The following CLPB variants were observed in gnomAD, a reference collection of about 807,000 sequenced individuals.
CLPB encodes ClpB family mitochondrial disaggregase.
Under a neutral mutation model 78.4 loss-of-function variants are expected in CLPB, and 40 were observed. The observed-to-expected ratio is 0.51, with a 90% confidence interval of 0.40 to 0.66. CLPB has a LOEUF of 0.66. Among genes scored for constraint, CLPB ranks in the 30% least tolerant of loss-of-function variants. The probability of loss-of-function intolerance (pLI) is 0.00; values close to 1 mark genes in which losing one functional copy is unlikely to be tolerated. For synonymous variants in CLPB, 333 were observed against 348.0 expected, an observed-to-expected ratio of 0.96 and a Z score of 0.48; for missense variants, 780 against 886.9, an observed-to-expected ratio of 0.88 and a Z score of 1.53.
intron 14 of CLPB, 46 bp downstream of exon 14, chr11:72,294,279 C>T: frequency 6.2e-7 from 1 of 1,614,016 alleles, no homozygotes; most frequent in Non-Finnish European, 8.5e-7. Context: ...TCCAGATTTC[C>T]AGTGGCTGGC....
At chr11:72,408,249 C>T in intron 2 of CLPB, 1 of 1,340,950 alleles carries the variant, frequency 7.5e-7, no homozygotes, top group South Asian at 1.3e-5. Context: ...AGTCCAAAGG[C>T]TGGAGTTCAG....
chr11:72,372,438 T>TG, intron 4 of CLPB, among the ~76,000 whole-genome samples: 1 of 152,368 alleles, frequency 6.6e-6, no homozygotes, highest in Admixed American at 6.5e-5. Flanking sequence ...TTAAGTGTTC[T>TG]GCACACATAT....
rs1393780715 is a variant in CLPB at position 72,380,328 on chromosome 11, C to T, written c.599G>A (p.Ser200Asn). The T allele has an allele frequency of 6.8e-6, 11 of 1,614,040 alleles. No individual in the cohort carries two copies. Among genetic ancestry groups the T allele is most frequent in the Non-Finnish European group, 8.5e-6 (10 of 1,180,004 alleles). ...TTCCTTGGCAGTCTTGTAAACACTG[C>T]TGAAATCATCTCCAAGGTTTGGATC... ...GADPNLGDDF[S>N]SVYKTAKEQG... Residue 200 changes from serine to asparagine, a missense_variant, in exon 4 of 16, where the codon AGC (serine) becomes AAC (asparagine). By Grantham distance (46) the Ser-to-Asn change is conservative. This residue lies in a region of CLPB where 417 missense variants were observed against 414.7 expected (regional missense o/e 1.01). Transcript: ENST00000538039.
intron 5 of CLPB, among the ~76,000 whole-genome samples, chr11:72,344,796 A>G (rs1950482071): frequency 6.6e-6 from 1 of 152,232 alleles, no homozygotes; most frequent in Non-Finnish European, 1.5e-5. Flanking sequence ...TAAAGGGCTA[A>G]TATTCTTAAC....
intron 6 of CLPB, among the ~76,000 whole-genome samples, chr11:72,322,394 G>A (rs1425461106): frequency 2.6e-5 from 4 of 152,200 alleles, no homozygotes; most frequent in South Asian, 2.1e-4. Context: ...GTTTGTGCTC[G>A]TCTCAGGTGG....
chr11:72,308,516 C>T lies in CLPB; in HGVS notation c.1066+11G>A, dbSNP rs1949784816. Reference sequence around the variant, plus strand: ...CTCTCTGTCCCCACTGGCTGATCTGCTCCCAATTACCTATTCCAGATGATC... The same window carrying T: ...CTCTCTGTCCCCACTGGCTGATCTGTTCCCAATTACCTATTCCAGATGATC... On this transcript the variant is annotated intron_variant, in intron 8 of 15. Coordinates refer to ENST00000538039, the MANE Select transcript of CLPB (RefSeq NM_001258392.3). 1.2e-6 allele frequency: 2 copies of T among 1,613,248 alleles called. No individual in the cohort carries two copies. The highest frequency in any genetic ancestry group is 2.2e-5 in the East Asian group (1 of 44,862).
rs1432909109 is a variant in CLPB, at chr11:72,287,701, G to A, written c.*5666C>T. Reference sequence around the variant, plus strand: ...GGATAAAATTTTAACCACCTTTCCAGTTTCTTCTTGGGTAACCAACTGGCC... The same window carrying A: ...GGATAAAATTTTAACCACCTTTCCAATTTCTTCTTGGGTAACCAACTGGCC... On this transcript the variant is annotated 3_prime_UTR_variant, in exon 16 of 16. Transcript: ENST00000538039. 6.6e-6 allele frequency: 1 copy of A among 152,138 alleles called. No individual in the cohort carries two copies. Among genetic ancestry groups the A allele is most frequent in the Non-Finnish European group, 1.5e-5 (1 of 68,036 alleles). 9.4% of individuals were successfully genotyped at this position (152,138 alleles called of 1,614,324 possible).
chr11:72,306,292 A>T (rs1160406273), intron 9 of CLPB, among the ~76,000 whole-genome samples: 2 of 152,200 alleles, frequency 1.3e-5, no homozygotes, highest in Admixed American at 1.3e-4. Flanking sequence ...GAAAGAGAAC[A>T]GGAGTCCAAG....
At chr11:72,366,373 C>A (rs1024835167) in intron 4 of CLPB, among the ~76,000 whole-genome samples, 1 of 152,054 alleles carries the variant, frequency 6.6e-6, no homozygotes, top group Non-Finnish European at 1.5e-5. Context: ...CACCACCACA[C>A]CCGGCTAATT....
chr11:72,370,451 G>C (rs960400494), intron 4 of CLPB, among the ~76,000 whole-genome samples: 6 of 152,208 alleles, frequency 3.9e-5, no homozygotes, highest in Non-Finnish European at 8.8e-5. Flanking sequence ...GCACTATGGA[G>C]AAATGACATG....
rs146812721 is a variant in CLPB at position 72,334,001 on chromosome 11, G to A, written c.776-4197C>T. ...AGAGACCTCTGGAAGGGGAAGAATG[G>A]CAAAGAGAAGAGCTTCTGCTTTGGA... On this transcript the variant is annotated intron_variant, in intron 5 of 15. Transcript: ENST00000538039. Among the ~76,000 whole-genome samples, 269 of 152,280 alleles carry A rather than the reference G, an allele frequency of 1.8e-3. 2 individuals carry two copies. Among genetic ancestry groups the A allele is most frequent in the African/African-American group, 6.2e-3 (257 of 41,556 alleles).
In CLPB at chr11:72,344,007, T is replaced by A. The variant is rs561480843; in HGVS notation, c.776-14203A>T. ...TGTCAGGAGAGGCCTCCTATGGTCA[T>A]GGGCAATACTGCTCGACAAAACCAC... On this transcript the variant is annotated intron_variant, in intron 5 of 15. Transcript: ENST00000538039. Among the ~76,000 whole-genome samples, 4 of 152,286 alleles carry A rather than the reference T, an allele frequency of 2.6e-5. No individual in the cohort carries two copies. The South Asian group carries it at 8.3e-4, about 32-fold the overall frequency.
intron 3 of CLPB, among the ~76,000 whole-genome samples, chr11:72,390,106 T>G (rs1855203592): frequency 6.6e-6 from 1 of 152,100 alleles, no homozygotes; most frequent in African/African-American, 2.4e-5. Flanking sequence ...TAGGAGCACT[T>G]TGCCCCAGAT....
intron 5 of CLPB, among the ~76,000 whole-genome samples, chr11:72,335,717 T>C (rs1010845135): frequency 2.0e-5 from 3 of 152,172 alleles, no homozygotes; most frequent in African/African-American, 7.2e-5. Context: ...TGAGAGTTCT[T>C]AGAAGCCAGA....
intron 2 of CLPB, among the ~76,000 whole-genome samples, chr11:72,414,853 TTGACATTTA>T (rs775291902): frequency 6.6e-6 from 1 of 152,174 alleles, no homozygotes; most frequent in Non-Finnish European, 1.5e-5. Context: ...CAACAGATAC[TTGACATTTA>T]TGATCTCATT....
At chr11:72,411,478 T>C (rs1855873835) in intron 2 of CLPB, among the ~76,000 whole-genome samples, 1 of 152,162 alleles carries the variant, frequency 6.6e-6, no homozygotes, top group African/African-American at 2.4e-5. Flanking sequence ...AAGAAGGAAA[T>C]GAATGAAATT....
intron 2 of CLPB, 46 bp downstream of exon 2, chr11:72,430,266 C>T (rs979272685): frequency 6.3e-7 from 1 of 1,577,652 alleles, no homozygotes; most frequent in Non-Finnish European, 8.7e-7. Flanking sequence ...GCTCGCCCTG[C>T]TCAGCCTCTC....
At chr11:72,358,719 G>A (rs1201684156) in intron 5 of CLPB, among the ~76,000 whole-genome samples, 161 bp downstream of exon 5, 1 of 152,126 alleles carries the variant, frequency 6.6e-6, no homozygotes, top group African/African-American at 2.4e-5. Context: ...TCTAGCTCTA[G>A]GAGGATAACA....
Position 72,291,711 on chromosome 11 carries a change from CTCTAAG to C in CLPB, c.*1650_*1655del, listed in dbSNP as rs1949454638. ...AATTTTCTACTATTTCTGCAACTTTCTCTAAGTCTAAAATTATTTCAAAACAAAAAG... is the reference window on the plus strand; with the variant it reads ...AATTTTCTACTATTTCTGCAACTTTCTCTAAAATTATTTCAAAACAAAAAG... On this transcript the variant is annotated 3_prime_UTR_variant, in exon 16 of 16. Transcript: ENST00000538039. The C allele has an allele frequency of 6.6e-6, 1 of 152,000 alleles. No individual in the cohort carries two copies. 9.4% of individuals were successfully genotyped at this position (152,000 alleles called of 1,614,324 possible).
Sources: gnomAD v4.1 joint callset for allele counts (sites outside exome capture counted in the v4.1 genomes callset) on GRCh38, gnomAD v4.1.1 for gene constraint, gnomAD v4.1.1 regional missense constraint, MANE v1.5 for transcripts, NCBI Gene and HGNC (gene_info 2026-07-23, HGNC 2026-07-21) for gene names.